Variants in SLCO1B1 observed in about 807,000 individuals in gnomAD.
The protein encoded by SLCO1B1 is OATP-2.
SLCO1B1 carries 81 observed loss-of-function variants against 70.1 expected under a neutral mutation model. The observed-to-expected ratio is 1.16, with a 90% confidence interval of 0.97 to 1.39. The LOEUF is 1.39. Among genes scored for constraint, SLCO1B1 ranks in the 40% most tolerant of loss-of-function variants. SLCO1B1 has a pLI of 0.00. For missense variants in SLCO1B1, 895 were observed against 799.6 expected (o/e 1.12, Z -1.44); for synonymous variants, 283 against 271.5 (o/e 1.04, Z -0.42).
At chr12:21,147,741 A>G (rs1301906719) in intron 2 of SLCO1B1, among the ~76,000 whole-genome samples, 1 of 152,202 alleles carries the variant, frequency 6.6e-6, no homozygotes, top group African/African-American at 2.4e-5. Flanking sequence ...TGCAATAAAC[A>G]TACATGTGCA....
chr12:21,209,822 T>A (rs1432171542), intron 11 of SLCO1B1, among the ~76,000 whole-genome samples: 70 of 149,514 alleles, frequency 4.7e-4, no homozygotes, highest in East Asian at 4.4e-3. Context: ...ATGATGAGCA[T>A]TTTTTCATGT....
chr12:21,222,321 A>G lies in SLCO1B1; in HGVS notation c.1704A>G (p.Lys568=), dbSNP rs1425226898. ...LIVKIVQPEL[K]SLALGFHSMV... ...TCAGAATTGTTCAACCTGAATTGAA[A>G]TCACTTGCACTGGGTTTCCACTCAA... Residue 568 remains lysine (K), a synonymous_variant, in exon 13 of 15, where the codon AAA becomes AAG. Coordinates refer to ENST00000256958, the MANE Select transcript of SLCO1B1 (RefSeq NM_006446.5). The G allele has an allele frequency of 1.4e-6, 2 of 1,387,700 alleles. No individual in the cohort carries two copies. Among genetic ancestry groups the G allele is most frequent in the East Asian group, 5.8e-5 (2 of 34,478 alleles). The allele number at this position is 1,387,700 out of a possible 1,614,324, so 86.0% of individuals were successfully genotyped here.
intron 11 of SLCO1B1, among the ~76,000 whole-genome samples, chr12:21,207,150 T>C (rs55924330): frequency 0.01 from 1,551 of 152,082 alleles, 37 homozygotes; most frequent in African/African-American, 0.036. Context: ...ATTTAACTCT[T>C]ATTTTAGGTA....
intron 7 of SLCO1B1, among the ~76,000 whole-genome samples, chr12:21,191,950 T>C (rs1466407698): frequency 6.6e-6 from 1 of 152,102 alleles, no homozygotes; most frequent in Non-Finnish European, 1.5e-5. Flanking sequence ...ACTTAGCATT[T>C]CAGGTATAAA....
At chr12:21,216,298 G>A (rs1941356944) in intron 11 of SLCO1B1, among the ~76,000 whole-genome samples, 1 of 152,050 alleles carries the variant, frequency 6.6e-6, no homozygotes, top group African/African-American at 2.4e-5. Flanking sequence ...AGTAAGAACT[G>A]TAAGTTTGGC....
intron 7 of SLCO1B1, among the ~76,000 whole-genome samples, chr12:21,193,733 T>G (rs1029028577): frequency 1.3e-5 from 2 of 152,170 alleles, no homozygotes; most frequent in Non-Finnish European, 2.9e-5. Context: ...GCAGCCAACC[T>G]ATATCCTTAA....
chr12:21,175,338 C>T (rs1940806926), intron 4 of SLCO1B1, among the ~76,000 whole-genome samples: 2 of 152,162 alleles, frequency 1.3e-5, no homozygotes, highest in South Asian at 2.1e-4. Context: ...ACAGTCCACA[C>T]AGGCTGAGGC....
intron 11 of SLCO1B1, among the ~76,000 whole-genome samples, chr12:21,211,741 C>T (rs1941288760): frequency 1.3e-5 from 2 of 152,120 alleles, no homozygotes; most frequent in African/African-American, 4.8e-5. Flanking sequence ...ATTTCAGATC[C>T]TGTTATTGGT....
At chr12:21,133,832 C>G (rs138119232) in intron 1 of SLCO1B1, among the ~76,000 whole-genome samples, 18 of 152,194 alleles carry the variant, frequency 1.2e-4, no homozygotes, top group African/African-American at 3.4e-4. Context: ...ATTTTCTTCT[C>G]CTGCCTGATT....
intron 14 of SLCO1B1, among the ~76,000 whole-genome samples, chr12:21,231,916 G>A (rs1941543008): frequency 6.6e-6 from 1 of 152,058 alleles, no homozygotes; most frequent in Non-Finnish European, 1.5e-5. Flanking sequence ...AGTATTTCTG[G>A]CTTTTGAACT....
chr12:21,222,112 G>A (rs572365873), intron 12 of SLCO1B1, among the ~76,000 whole-genome samples, 188 bp from the exon 13 acceptor site: 11 of 151,316 alleles, frequency 7.3e-5, no homozygotes, highest in Non-Finnish European at 1.5e-4. Flanking sequence ...ATAAATAAGG[G>A]AATAATTATT....
At chr12:21,173,208 A>G (rs978404337) in intron 3 of SLCO1B1, among the ~76,000 whole-genome samples, 3 of 152,180 alleles carry the variant, frequency 2.0e-5, no homozygotes, top group African/African-American at 4.8e-5. Flanking sequence ...TTAGACCTCT[A>G]TTGTTTCACT....
chr12:21,217,124 T>C lies in SLCO1B1; in HGVS notation c.1503T>C (p.Phe501=), dbSNP rs1392316727. 6.2e-7 allele frequency: 1 copy of C among 1,612,560 alleles called. No individual in the cohort carries two copies. The highest frequency in any genetic ancestry group is 8.5e-7 in the Non-Finnish European group (1 of 1,179,264). ...TTTTATACACAACGCTTAAGGTGTT[T>C]TACAACTGCAGTTGTTTGGAAGTAA... is the stretch of plus-strand genomic sequence containing the variant. ...SSSGNKKPIV[F]YNCSCLEVTG... The change falls in exon 12 of 15, where the codon TTT becomes TTC. Residue 501 remains phenylalanine, a synonymous_variant. Transcript: ENST00000256958.
chr12:21,224,501 G>A (rs1177609944), intron 13 of SLCO1B1, among the ~76,000 whole-genome samples: 1 of 152,130 alleles, frequency 6.6e-6, no homozygotes, highest in Admixed American at 6.5e-5. Context: ...TGTATGTAGG[G>A]AGGGTACGAG....
chr12:21,176,648 C>G (rs1940824430), intron 4 of SLCO1B1, 128 bp from the exon 5 acceptor site: 1 of 726,290 alleles, frequency 1.4e-6, no homozygotes, highest in Non-Finnish European at 2.4e-6. Context: ...GGGAAATTGA[C>G]AGAAAGTACT....
intron 7 of SLCO1B1, among the ~76,000 whole-genome samples, chr12:21,196,614 G>A (rs1002497483): frequency 2.6e-5 from 4 of 152,034 alleles, no homozygotes; most frequent in South Asian, 2.1e-4. Context: ...ACAATGAGAC[G>A]TCATAGTTCT....
rs201759853 is a variant in SLCO1B1, at chr12:21,160,635, A to C, written c.85-12015A>C. Among the ~76,000 whole-genome samples the C allele has an allele frequency of 2.0e-5, 3 of 152,320 alleles. No homozygotes were observed. The East Asian group carries it at 5.8e-4, about 29-fold the overall frequency. On this transcript the variant is annotated intron_variant, in intron 2 of 14. Coordinates refer to ENST00000256958, the MANE Select transcript of SLCO1B1 (RefSeq NM_006446.5). ...TTTCATGACAAATGACACCGAAAGC[A>C]ATCAAAACAAAAGCAAATATTGACA...
At chr12:21,149,578 C>G (rs760259559) in intron 2 of SLCO1B1, among the ~76,000 whole-genome samples, 1 of 152,096 alleles carries the variant, frequency 6.6e-6, no homozygotes, top group South Asian at 2.1e-4. Context: ...TAGGGTGTCA[C>G]CTAACCTGGG....
chr12:21,199,307 T>C (rs1300308998), intron 8 of SLCO1B1, among the ~76,000 whole-genome samples: 1 of 152,196 alleles, frequency 6.6e-6, no homozygotes, highest in Admixed American at 6.5e-5. Flanking sequence ...CTTCCTACTG[T>C]TTTTCTAAGT....
Sources: allele counts gnomAD v4.1 joint callset (sites outside exome capture counted in the v4.1 genomes callset), GRCh38; gene constraint gnomAD v4.1.1; transcripts MANE v1.5; gene names NCBI Gene and HGNC (gene_info 2026-07-23, HGNC 2026-07-21).